Variants in SOX5 observed in about 807,000 individuals in gnomAD.
SOX5 encodes transcription factor SOX-5.
In SOX5, 9 loss-of-function variants were observed where a neutral mutation model predicts 92.0. That is an observed-to-expected ratio of 0.10 (90% confidence interval 0.06 to 0.17). The LOEUF is 0.17. SOX5 is among the 10% of genes least tolerant of loss of function. The probability of loss-of-function intolerance (pLI) is 1.00; values close to 1 mark genes in which losing one functional copy is unlikely to be tolerated. For synonymous variants in SOX5, 344 were observed against 336.3 expected (o/e 1.02, Z -0.25); for missense variants, 642 against 944.5 (o/e 0.68, Z 4.20).
At chr12:23,615,950 C>T (rs561340917) in intron 8 of SOX5, among the ~76,000 whole-genome samples, 61 of 152,140 alleles carry the variant, frequency 4.0e-4, no homozygotes, top group Admixed American at 3.7e-3. Context: ...ATAATAAACA[C>T]CATAATGGTG....
At chr12:23,883,628 C>A in intron 2 of SOX5, among the ~76,000 whole-genome samples, 1 of 152,096 alleles carries the variant, frequency 6.6e-6, no homozygotes, top group South Asian at 2.1e-4. Context: ...AGGGATCCTG[C>A]AAAACTTAGA....
At chr12:24,524,703 T>G (rs186292475) in intron 1 of SOX5, among the ~76,000 whole-genome samples, 1 of 152,142 alleles carries the variant, frequency 6.6e-6, no homozygotes, top group Admixed American at 6.5e-5. Context: ...TTAGAACTTT[T>G]GTACACTGTT....
chr12:23,604,220 A>G lies in SOX5; in HGVS notation c.1164+167T>C, dbSNP rs80041836. 6.2e-3 allele frequency: 3,761 copies of G among 606,334 alleles called. 99 individuals are homozygous for G. The African/African-American group carries it at 0.064, about 10-fold the overall frequency. 37.6% of individuals were successfully genotyped at this position (606,334 alleles called of 1,614,324 possible). On this transcript the variant is annotated intron_variant, in intron 9 of 14. Coordinates refer to ENST00000451604, the MANE Select transcript of SOX5 (RefSeq NM_006940.6). ...AATAAATGAATAAATGAATGATTCA[A>G]TGTATGCAGATAAGTTGACATGCAC...
At chr12:24,023,673 T>C (rs940839525) in intron 4 of SOX5, among the ~76,000 whole-genome samples, 6 of 152,090 alleles carry the variant, frequency 3.9e-5, no homozygotes, top group African/African-American at 1.4e-4. Context: ...AGAGTTGACA[T>C]GGAGGAATGA....
chr12:24,121,614 C>T (rs1356891208), intron 4 of SOX5, among the ~76,000 whole-genome samples: 2 of 123,700 alleles, frequency 1.6e-5, no homozygotes, highest in Non-Finnish European at 3.2e-5. Flanking sequence ...ATGGGCCGGG[C>T]GCGGTGGCTC....
intron 1 of SOX5, among the ~76,000 whole-genome samples, chr12:24,477,232 C>G (rs984988970): frequency 1.3e-5 from 2 of 151,468 alleles, no homozygotes; most frequent in African/African-American, 2.4e-5. Context: ...CTCCTGGGCT[C>G]GAGCGATTCT....
At chr12:24,224,599 C>T (rs926990651) in intron 3 of SOX5, among the ~76,000 whole-genome samples, 1 of 151,870 alleles carries the variant, frequency 6.6e-6, no homozygotes, top group African/African-American at 2.4e-5. Flanking sequence ...TCTCTCTGTG[C>T]CAGAATTACA....
chr12:24,485,450 C>T (rs1946420332), intron 1 of SOX5, among the ~76,000 whole-genome samples: 1 of 152,132 alleles, frequency 6.6e-6, no homozygotes, highest in Admixed American at 6.6e-5. Flanking sequence ...AGTTAAAAAA[C>T]ATTTTAGTGA....
chr12:24,557,119 G>A (rs758036600), intron 1 of SOX5, among the ~76,000 whole-genome samples: 11 of 152,196 alleles, frequency 7.2e-5, no homozygotes, highest in East Asian at 1.9e-4. Context: ...GGCCAGGCAC[G>A]GTGGCTCACG....
At chr12:24,391,593 C>T (rs1959002800) in intron 1 of SOX5, among the ~76,000 whole-genome samples, 2 of 152,102 alleles carry the variant, frequency 1.3e-5, no homozygotes, top group South Asian at 2.1e-4. Context: ...ATCCATATTA[C>T]CATACTGTCA....
chr12:23,903,344 G>T (rs1337805071), intron 1 of SOX5, among the ~76,000 whole-genome samples: 2 of 152,166 alleles, frequency 1.3e-5, no homozygotes, highest in African/African-American at 2.4e-5. Context: ...TAGCACTTTA[G>T]GAGACCAAGG....
intron 4 of SOX5, among the ~76,000 whole-genome samples, chr12:23,742,423 A>G (rs1227481517): frequency 1.3e-5 from 2 of 152,176 alleles, no homozygotes; most frequent in Admixed American, 1.3e-4. Context: ...ATAATTTATT[A>G]TATCTCAGAT....
chr12:23,705,338 G>GT (rs1205885832), intron 6 of SOX5, among the ~76,000 whole-genome samples: 12 of 151,972 alleles, frequency 7.9e-5, no homozygotes, highest in African/African-American at 2.9e-4. Flanking sequence ...CTAAACATCT[G>GT]TTTAAGGTCT....
At chr12:23,771,759 T>C (rs1759110799) in intron 3 of SOX5, among the ~76,000 whole-genome samples, 1 of 152,232 alleles carries the variant, frequency 6.6e-6, no homozygotes, top group South Asian at 2.1e-4. Flanking sequence ...CACCTTTCTC[T>C]GTCTTTCACT....
chr12:24,177,066 T>C (rs1482481260), intron 4 of SOX5, among the ~76,000 whole-genome samples: 2 of 152,018 alleles, frequency 1.3e-5, no homozygotes, highest in South Asian at 2.1e-4. Context: ...CAAATCCATG[T>C]TGTGTTTGAA....
At chr12:23,579,068 A>T (rs905413257) in intron 9 of SOX5, among the ~76,000 whole-genome samples, 1 of 152,158 alleles carries the variant, frequency 6.6e-6, no homozygotes, top group Non-Finnish European at 1.5e-5. Flanking sequence ...TGAGGGGGGA[A>T]TGGCGGTATT....
upstream of SOX5, chr12:23,949,769 T>A: frequency 3.8e-6 from 1 of 264,334 alleles, no homozygotes; most frequent in Non-Finnish European, 6.1e-6. Flanking sequence ...TCTCTCTGTC[T>A]CTCTCTCTCT....
At chr12:24,016,354 A>G (rs1452612722) in intron 4 of SOX5, among the ~76,000 whole-genome samples, 4 of 152,210 alleles carry the variant, frequency 2.6e-5, no homozygotes, top group African/African-American at 9.6e-5. Context: ...AAGTAAGTCC[A>G]CATTTGCTTA....
chr12:24,227,355 T>A (rs1044997037), intron 3 of SOX5: 16 of 152,176 alleles, frequency 1.1e-4, no homozygotes, highest in Non-Finnish European at 2.2e-4. Flanking sequence ...AAAACAAAAG[T>A]CTGAGAAATC....
Sources: gnomAD v4.1 joint callset for allele counts (sites outside exome capture counted in the v4.1 genomes callset) on GRCh38, gnomAD v4.1.1 for gene constraint, MANE v1.5 for transcripts, NCBI Gene and HGNC (gene_info 2026-07-23, HGNC 2026-07-21) for gene names.